Variants in SEMA5A observed in about 807,000 individuals in gnomAD.
The protein encoded by SEMA5A is semaphorin 5A.
In SEMA5A, 55 loss-of-function variants were observed where a neutral mutation model predicts 135.5. The ratio of observed to expected loss-of-function variants is 0.41; its 90% CI spans 0.33 to 0.51. SEMA5A has a LOEUF of 0.51. Ranked by LOEUF, SEMA5A falls within the 20% of genes least tolerant of loss-of-function variation. The pLI, the probability that SEMA5A is intolerant of heterozygous loss-of-function variation, is 0.37. For missense variants in SEMA5A, 1,290 were observed against 1,419.9 expected (o/e 0.91, Z 1.47); for synonymous variants, 580 against 546.5 (o/e 1.06, Z -0.85).
At chr5:9,115,382 A>G (rs1740457547) in intron 15 of SEMA5A, among the ~76,000 whole-genome samples, 1 of 152,136 alleles carries the variant, frequency 6.6e-6, no homozygotes, top group Admixed American at 6.6e-5. Context: ...TAATTAAGCA[A>G]CTCCAAACAC....
At chr5:9,305,045 T>G (rs1751793707) in intron 5 of SEMA5A, among the ~76,000 whole-genome samples, 1 of 152,168 alleles carries the variant, frequency 6.6e-6, no homozygotes, top group Non-Finnish European at 1.5e-5. Context: ...CAACCTGGAC[T>G]GGTGGCTCCC....
chr5:9,220,929 T>A (rs1199367599), intron 8 of SEMA5A, among the ~76,000 whole-genome samples: 2 of 152,038 alleles, frequency 1.3e-5, no homozygotes, highest in Non-Finnish European at 2.9e-5. Flanking sequence ...AGATGGGAGT[T>A]TAAGACTGCC....
At chr5:9,135,273 C>T (rs191109163) in intron 13 of SEMA5A, among the ~76,000 whole-genome samples, 6 of 151,228 alleles carry the variant, frequency 4.0e-5, no homozygotes, top group East Asian at 2.0e-4. Flanking sequence ...CTCTGCCTCC[C>T]GAGTTCACGC....
At chr5:9,493,164 AC>A (rs2126804059) in intron 1 of SEMA5A, among the ~76,000 whole-genome samples, 1 of 152,090 alleles carries the variant, frequency 6.6e-6, no homozygotes, top group Non-Finnish European at 1.5e-5. Flanking sequence ...TTTGCTGTTA[AC>A]CTAAAACTGC....
At chr5:9,474,472 G>A (rs1759595370) in intron 1 of SEMA5A, among the ~76,000 whole-genome samples, 1 of 145,332 alleles carries the variant, frequency 6.9e-6, no homozygotes, top group Non-Finnish European at 1.5e-5. Flanking sequence ...ATAGGCACAT[G>A]TGAGAAGCAT....
intron 5 of SEMA5A, among the ~76,000 whole-genome samples, chr5:9,259,380 T>C (rs1294312522): frequency 6.6e-6 from 1 of 152,096 alleles, no homozygotes; most frequent in Admixed American, 6.6e-5. Flanking sequence ...AGATTCTTAA[T>C]CCTGAGTTCT....
chr5:9,325,917 C>T (rs1752851749), intron 4 of SEMA5A, among the ~76,000 whole-genome samples: 1 of 152,112 alleles, frequency 6.6e-6, no homozygotes, highest in Non-Finnish European at 1.5e-5. Context: ...GTATTTTGTA[C>T]TAGAGCAAAT....
At chr5:9,162,536 GTATGTGTGTATA>G (rs1743332564) in intron 11 of SEMA5A, among the ~76,000 whole-genome samples, 1 of 58,528 alleles carries the variant, frequency 1.7e-5, no homozygotes, top group African/African-American at 6.2e-5. Context: ...GTATATATAT[GTATGTGTGTATA>G]TATGTGTGTG....
chr5:9,212,803 G>A (rs1427838253), intron 8 of SEMA5A, among the ~76,000 whole-genome samples: 1 of 152,162 alleles, frequency 6.6e-6, no homozygotes, highest in African/African-American at 2.4e-5. Flanking sequence ...CATAAAGCAG[G>A]CTTCCACAGA....
At chr5:9,492,237 CTTG>C (rs1055892507) in intron 1 of SEMA5A, among the ~76,000 whole-genome samples, 12 of 152,196 alleles carry the variant, frequency 7.9e-5, no homozygotes, top group Non-Finnish European at 1.5e-4. Context: ...ACTATAATCA[CTTG>C]TTGATGACTT....
chr5:9,421,282 G>A (rs1757458393), intron 2 of SEMA5A, among the ~76,000 whole-genome samples: 1 of 152,138 alleles, frequency 6.6e-6, no homozygotes, highest in African/African-American at 2.4e-5. Flanking sequence ...ATCTCTCCAA[G>A]TTAACCAGGT....
At chr5:9,109,028 A>AT (rs67762219) in intron 15 of SEMA5A, among the ~76,000 whole-genome samples, 5,336 of 92,260 alleles carry the variant, frequency 0.058, 968 homozygotes, top group Non-Finnish European at 0.081. Flanking sequence ...TTTCTCTTCA[A>AT]TTTTTTTTTT....
intron 1 of SEMA5A, among the ~76,000 whole-genome samples, chr5:9,444,928 G>A (rs1206111447): frequency 6.6e-6 from 1 of 152,164 alleles, no homozygotes; most frequent in Non-Finnish European, 1.5e-5. Flanking sequence ...TGAATGAAGT[G>A]GTGTCTCTAG....
chr5:9,506,389 T>A (rs1735880786), intron 1 of SEMA5A, among the ~76,000 whole-genome samples: 1 of 152,188 alleles, frequency 6.6e-6, no homozygotes, highest in African/African-American at 2.4e-5. Context: ...TTTTGAAAAA[T>A]TAATATAATG....
intron 1 of SEMA5A, among the ~76,000 whole-genome samples, chr5:9,500,608 C>T (rs930170449): frequency 6.6e-6 from 1 of 152,160 alleles, no homozygotes; most frequent in African/African-American, 2.4e-5. Flanking sequence ...GAGGATAGGG[C>T]ACTGGATAAA....
At chr5:9,380,077 G>A (rs1296027298) in intron 2 of SEMA5A, 54 bp from the exon 3 acceptor site, 2 of 1,221,284 alleles carry the variant, frequency 1.6e-6, no homozygotes, top group South Asian at 1.6e-5. Context: ...TTTCTGGTGG[G>A]TGGTCTTCTG....
intron 15 of SEMA5A, among the ~76,000 whole-genome samples, chr5:9,115,379 G>C (rs1740457321): frequency 6.6e-6 from 1 of 152,180 alleles, no homozygotes; most frequent in African/African-American, 2.4e-5. Context: ...ACTTAATTAA[G>C]CAACTCCAAA....
chr5:9,108,116 G>C lies in SEMA5A; in HGVS notation c.2073+24C>G, dbSNP rs1482631685. ...TATTCCTGGTTCTGGATTGTGGGCT[G>C]GGTGTGAGAAGAAGGCTACTCACCA... On this transcript the variant is annotated intron_variant, in intron 16 of 22. Transcript: ENST00000382496. The C allele has an allele frequency of 1.9e-6, 3 of 1,609,316 alleles. No individual in the cohort carries two copies. The East Asian group carries it at 6.7e-5, about 36-fold the overall frequency.
chr5:9,288,823 A>G (rs1456472911), intron 5 of SEMA5A, among the ~76,000 whole-genome samples: 1 of 152,212 alleles, frequency 6.6e-6, no homozygotes, highest in South Asian at 2.1e-4. Context: ...CAAGTTGTAA[A>G]CTATATCTCA....
Sources: allele counts gnomAD v4.1 joint callset (sites outside exome capture counted in the v4.1 genomes callset), GRCh38; gene constraint gnomAD v4.1.1; transcripts MANE v1.5; gene names NCBI Gene and HGNC (gene_info 2026-07-23, HGNC 2026-07-21).